Variants in MYL4 observed in about 807,000 individuals in gnomAD.
MYL4 encodes atrial myosin light chain 1.
MYL4 carries 16 observed loss-of-function variants against 21.6 expected under a neutral mutation model. The ratio of observed to expected loss-of-function variants is 0.74; its 90% CI spans 0.50 to 1.12. The LOEUF is 1.12. Ranked by LOEUF, MYL4 falls within the 50% of genes most tolerant of loss-of-function variation. The probability of loss-of-function intolerance (pLI) is 0.00; values close to 1 mark genes in which losing one functional copy is unlikely to be tolerated. For missense variants in MYL4, 249 were observed against 252.9 expected, an observed-to-expected ratio of 0.98 and a Z score of 0.11; for synonymous variants, 82 against 95.7, an observed-to-expected ratio of 0.86 and a Z score of 0.83.
chr17:47,221,931 G>A, intron 4 of MYL4, 76 bp downstream of exon 4: 1 of 1,509,816 alleles, frequency 6.6e-7, no homozygotes, highest in African/African-American at 1.4e-5. Context: ...ACATATGCTG[G>A]TTGGGTGGGG....
At chr17:47,209,691 C>A in intron 1 of MYL4, 134 bp downstream of exon 1, 1 of 1,361,986 alleles carries the variant, frequency 7.3e-7, no homozygotes, top group Non-Finnish European at 1.0e-6. Context: ...GATCGCAGTC[C>A]CATGGGGCAG....
At chr17:47,216,973 C>T (rs962771168) in intron 2 of MYL4, among the ~76,000 whole-genome samples, 12 of 152,100 alleles carry the variant, frequency 7.9e-5, no homozygotes, top group Non-Finnish European at 1.5e-4. Flanking sequence ...GGATTACAGG[C>T]GTGAGCCACT....
At chr17:47,221,611 C>T in intron 3 of MYL4, 71 bp from the exon 4 acceptor site, 1 of 1,531,902 alleles carries the variant, frequency 6.5e-7, no homozygotes, top group Non-Finnish European at 8.8e-7. Context: ...GGTGAGGCCC[C>T]CTCTTGACCC....
chr17:47,216,427 G>T (rs1351599658), intron 2 of MYL4, among the ~76,000 whole-genome samples: 1 of 151,640 alleles, frequency 6.6e-6, no homozygotes, highest in Non-Finnish European at 1.5e-5. Flanking sequence ...TAACAAGCAG[G>T]TCTCCTTCTC....
chr17:47,193,411 G>A, the MYL4 span, among the ~76,000 whole-genome samples: 2 of 152,060 alleles, frequency 1.3e-5, no homozygotes, highest in Non-Finnish European at 2.9e-5. Flanking sequence ...GAATTTACAG[G>A]TGTGCGCCAC....
chr17:47,202,539 T>C (rs1286000278), intron 1 of MYL4, among the ~76,000 whole-genome samples: 1 of 152,226 alleles, frequency 6.6e-6, no homozygotes, highest in Non-Finnish European at 1.5e-5. Flanking sequence ...ATTAGTCATA[T>C]TAGTCATATT....
upstream of MYL4, among the ~76,000 whole-genome samples, chr17:47,196,277 A>C (rs946417268): frequency 1.3e-4 from 20 of 152,226 alleles, no homozygotes; most frequent in Non-Finnish European, 2.9e-5. Context: ...GAAAAGGCCA[A>C]CATCTAGGAA....
chr17:47,226,122 A>G (rs1010742623), downstream of MYL4, among the ~76,000 whole-genome samples: 3 of 152,202 alleles, frequency 2.0e-5, no homozygotes, highest in Non-Finnish European at 2.9e-5. Flanking sequence ...TTGAAAACTG[A>G]AAGTGTTTTC....
the MYL4 span, chr17:47,189,547 C>T: frequency 3.0e-6 from 1 of 334,734 alleles, no homozygotes; most frequent in African/African-American, 2.1e-5. Flanking sequence ...TGGGCTACGC[C>T]AAATCTGCAA....
intron 5 of MYL4, among the ~76,000 whole-genome samples, 178 bp downstream of exon 5, chr17:47,222,635 T>C (rs2064865597): frequency 6.6e-6 from 1 of 151,976 alleles, no homozygotes; most frequent in African/African-American, 2.4e-5. Context: ...GGCGGGAGCA[T>C]GGATTTTGGA....
At chr17:47,207,388 C>A (rs2064734623), upstream of MYL4, among the ~76,000 whole-genome samples, 1 of 152,170 alleles carries the variant, frequency 6.6e-6, no homozygotes, top group East Asian at 1.9e-4. Flanking sequence ...TCAACGTTTC[C>A]CTGGACCTTA....
At chr17:47,224,322 T>C (rs2064877319), downstream of MYL4, among the ~76,000 whole-genome samples, 1 of 152,078 alleles carries the variant, frequency 6.6e-6, no homozygotes, top group African/African-American at 2.4e-5. Flanking sequence ...GCAGGGAAAT[T>C]CCCCTTTTAA....
intron 1 of MYL4, 150 bp downstream of exon 1, chr17:47,209,707 T>TGG: frequency 8.5e-7 from 1 of 1,174,124 alleles, no homozygotes; most frequent in Non-Finnish European, 1.3e-6. Context: ...GGCAGTGGAG[T>TGG]GGGTGTTGGG....
At chr17:47,221,956 G>A in intron 4 of MYL4, 101 bp downstream of exon 4, 3 of 1,314,484 alleles carry the variant, frequency 2.3e-6, no homozygotes, top group South Asian at 1.4e-5. Flanking sequence ...GTATACAAGG[G>A]TCTTTGCATC....
At chr17:47,196,749 A>C (rs948847691), upstream of MYL4, among the ~76,000 whole-genome samples, 1 of 152,066 alleles carries the variant, frequency 6.6e-6, no homozygotes. Flanking sequence ...CTTTTCTTTC[A>C]TAGTATGTAT....
intron 1 of MYL4, among the ~76,000 whole-genome samples, chr17:47,210,920 C>T (rs778562670): frequency 2.0e-5 from 3 of 152,164 alleles, no homozygotes; most frequent in Non-Finnish European, 4.4e-5. Context: ...GATCCCTCCT[C>T]GCCTTTATTT....
chr17:47,218,094 A>G (rs189957931), intron 2 of MYL4, among the ~76,000 whole-genome samples: 1 of 152,064 alleles, frequency 6.6e-6, no homozygotes, highest in Non-Finnish European at 1.5e-5. Context: ...TGATGTAGGT[A>G]CCATTTATAG....
upstream of MYL4, among the ~76,000 whole-genome samples, chr17:47,198,581 T>C (rs1438345118): frequency 1.3e-5 from 2 of 152,232 alleles, no homozygotes; most frequent in African/African-American, 2.4e-5. Flanking sequence ...CTGTCTTGAA[T>C]AGACTTTGTT....
upstream of MYL4, chr17:47,200,445 A>G (rs1412067964): frequency 6.6e-6 from 1 of 151,896 alleles, no homozygotes; most frequent in Admixed American, 6.6e-5. Flanking sequence ...GCCAGCTCCC[A>G]TGGTTGTCTT....
Sources: allele counts gnomAD v4.1 joint callset (sites outside exome capture counted in the v4.1 genomes callset), GRCh38; gene constraint gnomAD v4.1.1; transcripts MANE v1.5; gene names NCBI Gene and HGNC (gene_info 2026-07-23, HGNC 2026-07-21).